The following KANK1 variants were observed in gnomAD, a reference collection of about 807,000 sequenced individuals.
KANK1 encodes KN motif and ankyrin repeat domains 1, also known as KN motif and ankyrin repeat domain-containing protein 1.
Under a neutral mutation model 106.2 loss-of-function variants are expected in KANK1, and 109 were observed. The observed-to-expected ratio is 1.03, with a 90% confidence interval of 0.88 to 1.20. KANK1 has a LOEUF of 1.20. Among genes scored for constraint, KANK1 ranks in the 50% most tolerant of loss-of-function variants. The pLI is 0.00. For synonymous variants in KANK1, 873 were observed against 652.2 expected, an observed-to-expected ratio of 1.34 and a Z score of -5.16; for missense variants, 2,399 against 1,710.7, an observed-to-expected ratio of 1.40 and a Z score of -7.10.
intron 1 of KANK1, among the ~76,000 whole-genome samples, chr9:609,264 T>G (rs1462465515): frequency 2.6e-5 from 4 of 152,258 alleles, no homozygotes; most frequent in Non-Finnish European, 5.9e-5. Context: ...TGTTTGTAAA[T>G]TAAATAGATT....
chr9:729,979 G>A, intron 3 of KANK1, 72 bp from the exon 4 acceptor site: 1 of 1,322,494 alleles, frequency 7.6e-7, no homozygotes, highest in Non-Finnish European at 1.1e-6. Flanking sequence ...TGAGTGGCAA[G>A]AATTGTTTTT....
intron 1 of KANK1, among the ~76,000 whole-genome samples, chr9:565,789 C>T (rs1018327687): frequency 6.6e-6 from 1 of 152,140 alleles, no homozygotes; most frequent in African/African-American, 2.4e-5. Context: ...TGCTATTTAC[C>T]ACAGTAATTG....
intron 1 of KANK1, among the ~76,000 whole-genome samples, chr9:652,661 G>A (rs1841173106): frequency 6.6e-6 from 1 of 152,194 alleles, no homozygotes; most frequent in Non-Finnish European, 1.5e-5. Flanking sequence ...TTAGGAAGAT[G>A]ACTATAATAT....
At chr9:475,201 C>G (rs898496459) in intron 3 of KANK1, among the ~76,000 whole-genome samples, 2 of 152,166 alleles carry the variant, frequency 1.3e-5, no homozygotes, top group Non-Finnish European at 2.9e-5. Flanking sequence ...TGGTAAATGA[C>G]CTTCCTGTAG....
At chr9:581,076 C>T (rs766338880) in intron 1 of KANK1, among the ~76,000 whole-genome samples, 2 of 151,906 alleles carry the variant, frequency 1.3e-5, no homozygotes, top group African/African-American at 2.4e-5. Flanking sequence ...CGAGCCCACA[C>T]CTACCCAGAA....
Position 712,811 on chromosome 9 carries a change from A to G in KANK1, c.2045A>G (p.Gln682Arg), listed in dbSNP as rs1826547842. 1.2e-6 allele frequency: 2 copies of G among 1,613,792 alleles called. No homozygotes were observed. Among genetic ancestry groups the G allele is most frequent in the Admixed American group, 1.7e-5 (1 of 59,966 alleles). ...AGCACAGATTTGGAACAGGTGCACC[A>G]GTTCACCAACACCGAGACGGCCACC... Reference protein sequence around the residue: ...DTSTDLEQVHQFTNTETATLI... With the variant: ...DTSTDLEQVHRFTNTETATLI... The change falls in exon 3 of 12, where the codon CAG (glutamine) becomes CGG (arginine). Residue 682 changes from glutamine (Q) to arginine (R), a missense_variant. Physicochemically the swap from Gln to Arg is conservative, Grantham distance 43 (BLOSUM62 1). Coordinates refer to ENST00000382297, the MANE Select transcript of KANK1 (RefSeq NM_015158.5).
At chr9:489,340 C>T (rs1399996287) in intron 3 of KANK1, among the ~76,000 whole-genome samples, 1 of 152,146 alleles carries the variant, frequency 6.6e-6, no homozygotes, top group African/African-American at 2.4e-5. Flanking sequence ...ACTCAACAAT[C>T]TCCAAGGTCC....
chr9:662,062 A>T (rs1843449762), intron 1 of KANK1, among the ~76,000 whole-genome samples: 2 of 152,224 alleles, frequency 1.3e-5, no homozygotes, highest in Non-Finnish European at 2.9e-5. Context: ...ATGATGAGTG[A>T]ACTCCCATTC....
rs147524051 is a variant in KANK1, at chr9:730,841, T to C, written c.2897-317T>C. 2.0e-3 allele frequency: 418 copies of C among 212,300 alleles called. 5 individuals are homozygous for C. Among genetic ancestry groups the C allele is most frequent in the Non-Finnish European group, 3.1e-3 (327 of 106,202 alleles). The allele number at this position is 212,300 out of a possible 1,614,324, so 13.2% of individuals were successfully genotyped here. A position where few individuals can be genotyped will look rare whatever the true frequency, so the allele number is the denominator to read the frequency against. On this transcript the variant is annotated intron_variant, in intron 4 of 11. Coordinates refer to ENST00000382297, the MANE Select transcript of KANK1 (RefSeq NM_015158.5). ...AGAATAATAATCCCTGTTTAGTACG[T>C]AAATGGTCCTTGAGGCTCGTGAGAC...
In KANK1 at chr9:732,635, TC is replaced by T; in HGVS notation, c.3245+21del. ...AGAGAGAGGTGTGGTACATTCCCCT[TC>T]CCTCCCTTGCCCCTCCCACATTTAA... On this transcript the variant is annotated intron_variant, in intron 6 of 11. Coordinates refer to ENST00000382297, the MANE Select transcript of KANK1 (RefSeq NM_015158.5). The T allele has an allele frequency of 6.2e-7, 1 of 1,608,418 alleles. No individual in the cohort carries two copies. Among genetic ancestry groups the T allele is most frequent in the Non-Finnish European group, 8.5e-7 (1 of 1,175,712 alleles).
At chr9:580,887 G>A (rs962116067) in intron 1 of KANK1, among the ~76,000 whole-genome samples, 1 of 152,188 alleles carries the variant, frequency 6.6e-6, no homozygotes, top group Admixed American at 6.5e-5. Context: ...GCTCCGGCAT[G>A]GTGGGCTGCA....
intron 1 of KANK1, among the ~76,000 whole-genome samples, chr9:636,535 C>T (rs1203031905): frequency 1.3e-5 from 2 of 152,198 alleles, no homozygotes; most frequent in Non-Finnish European, 2.9e-5. Context: ...ACGTTGTCCA[C>T]TTCATAACTT....
intron 1 of KANK1, among the ~76,000 whole-genome samples, chr9:603,068 TG>T (rs1828181062): frequency 6.6e-6 from 1 of 151,832 alleles, no homozygotes; most frequent in African/African-American, 2.4e-5. Flanking sequence ...TTCTTACATA[TG>T]GGGAAAGAGT....
chr9:535,611 A>G (rs1299872928), intron 1 of KANK1, among the ~76,000 whole-genome samples: 2 of 152,210 alleles, frequency 1.3e-5, no homozygotes, highest in Non-Finnish European at 2.9e-5. Context: ...GAAACAGACA[A>G]TACAGTACAC....
At chr9:591,468 G>A (rs1436434589) in intron 1 of KANK1, among the ~76,000 whole-genome samples, 1 of 151,630 alleles carries the variant, frequency 6.6e-6, no homozygotes, top group Non-Finnish European at 1.5e-5. Context: ...GCACGATCTT[G>A]CTTTTCCTGC....
chr9:734,183 A>G (rs1183539264), intron 6 of KANK1: 1 of 152,018 alleles, frequency 6.6e-6, no homozygotes, highest in Non-Finnish European at 1.5e-5. Context: ...GAATGTCATA[A>G]AGGCCAATTG....
Position 712,887 on chromosome 9 carries a change from C to G in KANK1, c.2121C>G (p.Thr707=). 6.2e-7 allele frequency: 1 copy of G among 1,613,888 alleles called. No homozygotes were observed. The highest frequency in any genetic ancestry group is 1.1e-5 in the South Asian group (1 of 91,038). The change falls in exon 3 of 12, where the codon ACC becomes ACG. Residue 707 remains threonine (T), a synonymous_variant. Transcript: ENST00000382297. ...NTCLSTLDKQ[T]STQTVETRTV... is the part of the protein sequence containing the mutation. ...GTCTAAGCACTTTGGACAAGCAGAC[C>G]AGCACCCAGACTGTGGAGACGCGGA...
intron 2 of KANK1, among the ~76,000 whole-genome samples, chr9:695,848 G>A (rs1801603827): frequency 6.6e-6 from 1 of 152,188 alleles, no homozygotes; most frequent in South Asian, 2.1e-4. Context: ...AACCCAGGCA[G>A]TCTGGCCCCA....
chr9:512,779 T>G (rs1171750857), intron 1 of KANK1, among the ~76,000 whole-genome samples: 1 of 152,196 alleles, frequency 6.6e-6, no homozygotes, highest in African/African-American at 2.4e-5. Context: ...CTTGAGTTCA[T>G]AAATTTGACA....
Sources: gnomAD v4.1 joint callset for allele counts (sites outside exome capture counted in the v4.1 genomes callset) on GRCh38, gnomAD v4.1.1 for gene constraint, MANE v1.5 for transcripts, NCBI Gene and HGNC (gene_info 2026-07-23, HGNC 2026-07-21) for gene names.